Variants in SCOC observed in about 807,000 individuals in gnomAD.
SCOC encodes short coiled-coil protein.
SCOC carries 7 observed loss-of-function variants against 9.9 expected under a neutral mutation model. The ratio of observed to expected loss-of-function variants is 0.71; its 90% CI spans 0.40 to 1.33. The LOEUF is 1.33. SCOC is among the 40% of genes most tolerant of loss of function. The pLI, the probability that SCOC is intolerant of heterozygous loss-of-function variation, is 0.01. For synonymous variants in SCOC, 19 were observed against 28.2 expected (o/e 0.67, Z 1.03); for missense variants, 66 against 89.7 (o/e 0.74, Z 1.07).
At chr4:140,327,435 AC>A (rs1397926889) in intron 1 of SCOC, among the ~76,000 whole-genome samples, 1 of 36,490 alleles carries the variant, frequency 2.7e-5, no homozygotes, top group African/African-American at 1.5e-4. Flanking sequence ...TGCTTTCAAT[AC>A]TGAAAAAAAA....
upstream of SCOC, among the ~76,000 whole-genome samples, chr4:140,342,604 T>A (rs1726552121): frequency 7.0e-6 from 1 of 143,442 alleles, no homozygotes; most frequent in Non-Finnish European, 1.5e-5. Context: ...ATAAAAAAAA[T>A]ATTATATGTA....
At chr4:140,305,468 T>C (rs1410310092) in intron 1 of SCOC, among the ~76,000 whole-genome samples, 1 of 152,202 alleles carries the variant, frequency 6.6e-6, no homozygotes, top group Non-Finnish European at 1.5e-5. Context: ...TAAAATTCTA[T>C]TGGCCAAATA....
intron 1 of SCOC, among the ~76,000 whole-genome samples, chr4:140,316,245 C>T (rs1356332777): frequency 6.6e-6 from 1 of 152,172 alleles, no homozygotes; most frequent in African/African-American, 2.4e-5. Context: ...GTGTGTTTCA[C>T]TTGATCCTTC....
chr4:140,373,386 T>A, upstream of SCOC: 1 of 1,458,156 alleles, frequency 6.9e-7, no homozygotes, highest in Non-Finnish European at 9.1e-7. Context: ...CAGCGCCGCT[T>A]AGCTTCGCTT....
At chr4:140,301,808 A>G (rs1189458106) in intron 1 of SCOC, among the ~76,000 whole-genome samples, 2 of 152,176 alleles carry the variant, frequency 1.3e-5, no homozygotes, top group Non-Finnish European at 2.9e-5. Flanking sequence ...GTTTCTTTCT[A>G]AAAACTATTA....
intron 1 of SCOC, among the ~76,000 whole-genome samples, chr4:140,259,336 C>T (rs1730578475): frequency 6.6e-6 from 1 of 152,216 alleles, no homozygotes; most frequent in African/African-American, 2.4e-5. Flanking sequence ...CTACTGTGCT[C>T]CAACCCTAGT....
At position 140,355,214 on chromosome 4, in the gene SCOC, T is replaced by TATATATATATATG. The variant is rs1483309158; in HGVS notation, c.70+11518_70+11519insGATATATATATAT. ...TCTCAGCCTATACATTATATTTTTA[T>TATATATATATATG]ATATATATATATATATATATATATA... On this transcript the variant is annotated intron_variant, in intron 2 of 4. Transcript: ENST00000338517. Among the ~76,000 whole-genome samples the TATATATATATATG allele has an allele frequency of 0.018, 103 of 5,814 alleles. 1 individual carries two copies. The East Asian group carries it at 0.38, about 22-fold the overall frequency. The allele number at this position is 5,814 out of a possible 152,430, so 3.8% of individuals were successfully genotyped here. A position where few individuals can be genotyped will look rare whatever the true frequency, so the allele number is the denominator to read the frequency against.
intron 1 of SCOC, among the ~76,000 whole-genome samples, chr4:140,290,102 T>C (rs80001015): frequency 0.032 from 4,917 of 152,358 alleles, 127 homozygotes; most frequent in Non-Finnish European, 0.051. Flanking sequence ...AGGTGTCACC[T>C]AGCATTTTTT....
At chr4:140,287,955 CCACA>C (rs1346977136) in intron 1 of SCOC, among the ~76,000 whole-genome samples, 2 of 151,956 alleles carry the variant, frequency 1.3e-5, no homozygotes, top group Non-Finnish European at 2.9e-5. Context: ...CACATGCATA[CCACA>C]CAGAGTGCAC....
At chr4:140,354,431 C>G (rs1727116756) in intron 2 of SCOC, among the ~76,000 whole-genome samples, 1 of 151,228 alleles carries the variant, frequency 6.6e-6, no homozygotes, top group African/African-American at 2.4e-5. Context: ...CAGCCAGTGT[C>G]TCTCTGTGAA....
At chr4:140,335,947 C>T (rs190744663) in intron 1 of SCOC, among the ~76,000 whole-genome samples, 1 of 152,164 alleles carries the variant, frequency 6.6e-6, no homozygotes, top group African/African-American at 2.4e-5. Flanking sequence ...TCATATTGAC[C>T]TCAGTGTTTA....
intron 2 of SCOC, chr4:140,366,200 C>A: frequency 2.5e-5 from 17 of 677,046 alleles, no homozygotes; most frequent in South Asian, 1.4e-4. Flanking sequence ...TTTTTTTTTT[C>A]CCAAATAGAA....
intron 1 of SCOC, 140 bp downstream of exon 1, chr4:140,373,857 T>C: frequency 2.1e-6 from 2 of 943,158 alleles, no homozygotes; most frequent in South Asian, 1.4e-5. Flanking sequence ...GTCTCGGGCC[T>C]GGGCATTTGG....
chr4:140,355,199 T>C (rs1727155074), intron 2 of SCOC, among the ~76,000 whole-genome samples: 2 of 78,288 alleles, frequency 2.6e-5, no homozygotes, highest in South Asian at 5.3e-4. Flanking sequence ...TCTCAGCCTA[T>C]ACATTATATT....
chr4:140,264,434 T>C (rs923032628), intron 1 of SCOC, among the ~76,000 whole-genome samples: 1 of 152,158 alleles, frequency 6.6e-6, no homozygotes, highest in Non-Finnish European at 1.5e-5. Flanking sequence ...GACAGGGAAA[T>C]AATAATTGTA....
chr4:140,310,760 C>T (rs1279349072), intron 1 of SCOC, among the ~76,000 whole-genome samples: 1 of 152,188 alleles, frequency 6.6e-6, no homozygotes, highest in Admixed American at 6.5e-5. Context: ...CTTCCTGTCC[C>T]TTCTTCTTCG....
At chr4:140,375,094 T>C (rs1578883388) in intron 1 of SCOC, among the ~76,000 whole-genome samples, 1 of 152,184 alleles carries the variant, frequency 6.6e-6, no homozygotes, top group Non-Finnish European at 1.5e-5. Context: ...ACAATAGTTG[T>C]GGTGGAATGG....
chr4:140,379,093 C>T, intron 1 of SCOC, 28 bp from the exon 2 acceptor site: 2 of 1,365,790 alleles, frequency 1.5e-6, no homozygotes, highest in South Asian at 1.2e-5. Flanking sequence ...CTGTATGTGT[C>T]TATATTTCTG....
At chr4:140,292,954 TC>T (rs1194006369) in intron 1 of SCOC, among the ~76,000 whole-genome samples, 1 of 152,214 alleles carries the variant, frequency 6.6e-6, no homozygotes, top group Non-Finnish European at 1.5e-5. Context: ...TGTCTGCTCT[TC>T]CAGTGCAGGA....
Sources: gnomAD v4.1 joint callset for allele counts (sites outside exome capture counted in the v4.1 genomes callset) on GRCh38, gnomAD v4.1.1 for gene constraint, MANE v1.5 for transcripts, NCBI Gene and HGNC (gene_info 2026-07-23, HGNC 2026-07-21) for gene names.